Variants in HIVEP1 observed in about 807,000 individuals in gnomAD.
HIVEP1 encodes the protein zinc finger protein 40.
In HIVEP1, 36 loss-of-function variants were observed where a neutral mutation model predicts 180.0. That is an observed-to-expected ratio of 0.20 (90% CI 0.15 to 0.26). HIVEP1 has a LOEUF of 0.26. HIVEP1 is among the 10% of genes least tolerant of loss of function. The pLI is 1.00. For synonymous variants in HIVEP1, 1,239 were observed against 1,239.0 expected, an observed-to-expected ratio of 1.00 and a Z score of 0.00; for missense variants, 3,143 against 3,268.7, an observed-to-expected ratio of 0.96 and a Z score of 0.94.
the HIVEP1 span, among the ~76,000 whole-genome samples, chr6:12,179,978 A>G: frequency 6.6e-6 from 1 of 152,220 alleles, no homozygotes; most frequent in Non-Finnish European, 1.5e-5. Flanking sequence ...AAGACTGGAA[A>G]GCATTTATCT....
intron 3 of HIVEP1, among the ~76,000 whole-genome samples, chr6:12,118,986 T>C (rs1775396525): frequency 1.3e-5 from 2 of 152,330 alleles, no homozygotes; most frequent in South Asian, 4.1e-4. Context: ...TTTCTTCTTT[T>C]TGGCCAGCCT....
the HIVEP1 span, among the ~76,000 whole-genome samples, chr6:12,177,214 A>G: frequency 6.6e-6 from 1 of 152,216 alleles, no homozygotes; most frequent in South Asian, 2.1e-4. Context: ...ACTATTGAGT[A>G]CTAGGCTTAG....
At chr6:12,026,284 A>T (rs1768581997) in intron 2 of HIVEP1, among the ~76,000 whole-genome samples, 1 of 152,224 alleles carries the variant, frequency 6.6e-6, no homozygotes, top group Non-Finnish European at 1.5e-5. Flanking sequence ...TGGAGCAAAA[A>T]ATAATTGGAG....
chr6:12,090,784 C>T lies in HIVEP1; in HGVS notation c.94+1547C>T, dbSNP rs972731812. ...TACATCTAGTCATGGTTTAGAGCTG[C>T]TTCTAGTAGCAAAGCAAATGTGAGC... is the stretch of plus-strand genomic sequence containing the variant. On this transcript the variant is annotated intron_variant, in intron 3 of 8. Coordinates refer to ENST00000379388, the MANE Select transcript of HIVEP1 (RefSeq NM_002114.4). Among the ~76,000 whole-genome samples, 9 of 116,890 alleles carry T rather than the reference C, an allele frequency of 7.7e-5. No individual in the cohort carries two copies. In the Admixed American group the frequency reaches 1.1e-3, roughly 14 times the overall value. The allele number at this position is 116,890 out of a possible 152,430, so 76.7% of individuals were successfully genotyped here. A position where few individuals can be genotyped will look rare whatever the true frequency, so the allele number is the denominator to read the frequency against.
upstream of HIVEP1, chr6:12,008,211 A>G (rs534300149): frequency 6.6e-6 from 1 of 152,346 alleles, no homozygotes; most frequent in South Asian, 2.1e-4. Flanking sequence ...CCATAAGGGA[A>G]TTTATGGTGT....
intron 2 of HIVEP1, among the ~76,000 whole-genome samples, chr6:12,040,034 G>A (rs1490072947): frequency 1.3e-5 from 2 of 152,028 alleles, no homozygotes; most frequent in African/African-American, 4.8e-5. Flanking sequence ...GGAAATGTAA[G>A]CCCAACAACA....
At chr6:12,011,270 T>TACCCC (rs1767268015), upstream of HIVEP1, among the ~76,000 whole-genome samples, 6 of 71,636 alleles carry the variant, frequency 8.4e-5, no homozygotes, top group Non-Finnish European at 1.5e-4. Context: ...CCCCTTGGGG[T>TACCCC]CCCCCCCCCC....
chr6:12,194,631 G>A, the HIVEP1 span, among the ~76,000 whole-genome samples: 2 of 152,098 alleles, frequency 1.3e-5, no homozygotes, highest in South Asian at 4.2e-4. Context: ...CTGAAACCCT[G>A]TCTCTACTAA....
intron 2 of HIVEP1, among the ~76,000 whole-genome samples, chr6:12,088,898 G>A (rs1773279921): frequency 6.6e-6 from 1 of 152,092 alleles, no homozygotes; most frequent in Non-Finnish European, 1.5e-5. Context: ...ACTTTGATTA[G>A]ATGACTAGAC....
At chr6:12,210,573 A>G in the HIVEP1 span, among the ~76,000 whole-genome samples, 1 of 152,248 alleles carries the variant, frequency 6.6e-6, no homozygotes, top group Non-Finnish European at 1.5e-5. Context: ...ATTTGAAAGT[A>G]TAACAGCTGT....
At chr6:12,168,915 T>C (rs1760829691), downstream of HIVEP1, among the ~76,000 whole-genome samples, 3 of 152,282 alleles carry the variant, frequency 2.0e-5, no homozygotes, top group South Asian at 6.2e-4. Context: ...GTTGAAACAG[T>C]CTTGCTCTGT....
At chr6:12,168,239 ATT>A (rs1359217002), downstream of HIVEP1, among the ~76,000 whole-genome samples, 27 of 121,080 alleles carry the variant, frequency 2.2e-4, no homozygotes, top group African/African-American at 8.0e-4. Flanking sequence ...ATACATATAT[ATT>A]ATATATACAG....
At chr6:12,196,328 A>T in the HIVEP1 span, among the ~76,000 whole-genome samples, 2 of 152,190 alleles carry the variant, frequency 1.3e-5, no homozygotes. Context: ...TTCTATTTAG[A>T]CATTTAATCC....
intron 3 of HIVEP1, among the ~76,000 whole-genome samples, chr6:12,115,350 CTTTTTTTTTT>C (rs34074662): frequency 1.7e-4 from 13 of 75,292 alleles, no homozygotes; most frequent in South Asian, 1.2e-3. Flanking sequence ...CCCAACTATT[CTTTTTTTTTT>C]TTTTTTTTTT....
the HIVEP1 span, among the ~76,000 whole-genome samples, chr6:12,182,988 A>G: frequency 6.6e-6 from 1 of 152,192 alleles, no homozygotes; most frequent in Non-Finnish European, 1.5e-5. Context: ...TCTAAAGTGA[A>G]GAAGTAAAAA....
At chr6:12,193,453 G>T in the HIVEP1 span, among the ~76,000 whole-genome samples, 1 of 152,142 alleles carries the variant, frequency 6.6e-6, no homozygotes, top group Non-Finnish European at 1.5e-5. Flanking sequence ...TTCTTAAAAT[G>T]TTGTGACAAT....
chr6:12,134,317 T>C (rs1280161487), intron 6 of HIVEP1, among the ~76,000 whole-genome samples: 1 of 152,208 alleles, frequency 6.6e-6, no homozygotes, highest in Non-Finnish European at 1.5e-5. Flanking sequence ...CAGGGTTTGA[T>C]GGACCTTAGC....
Position 12,124,617 on chromosome 6 carries a change from A to G in HIVEP1, c.4822A>G (p.Ser1608Gly), listed in dbSNP as rs1326296860. Residue 1608 changes from serine to glycine, a missense_variant, in exon 4 of 9, where the codon AGC (serine) becomes GGC (glycine). Ser to Gly is a moderately conservative substitution (Grantham distance 56). Coordinates refer to ENST00000379388, the MANE Select transcript of HIVEP1 (RefSeq NM_002114.4). Reference sequence around the variant, plus strand: ...AACATTACCAACCAAATTAATTGACAGCATGTCTAATTCGCATCCTCTGCT... The same window carrying G: ...AACATTACCAACCAAATTAATTGACGGCATGTCTAATTCGCATCCTCTGCT... ...SATLPTKLID[S>G]MSNSHPLLPP... 7 of 1,614,180 alleles carry G rather than the reference A, an allele frequency of 4.3e-6. No homozygotes were observed. Among genetic ancestry groups the G allele is most frequent in the Non-Finnish European group, 5.9e-6 (7 of 1,180,034 alleles).
At chr6:12,151,486 T>C (rs895066210) in intron 7 of HIVEP1, among the ~76,000 whole-genome samples, 3 of 152,184 alleles carry the variant, frequency 2.0e-5, no homozygotes, top group Admixed American at 6.5e-5. Flanking sequence ...GTGTATCTTA[T>C]TGGCATAATG....
Sources: gnomAD v4.1 joint callset for allele counts (sites outside exome capture counted in the v4.1 genomes callset) on GRCh38, gnomAD v4.1.1 for gene constraint, MANE v1.5 for transcripts, NCBI Gene and HGNC (gene_info 2026-07-23, HGNC 2026-07-21) for gene names.